The following KLHL1 variants were observed in gnomAD, a reference collection of about 807,000 sequenced individuals.
KLHL1 encodes the protein kelch-like protein 1.
In KLHL1, 47 loss-of-function variants were observed where a neutral mutation model predicts 77.7. That is an observed-to-expected ratio of 0.60 (90% CI 0.48 to 0.77). The LOEUF is 0.77. Among genes scored for constraint, KLHL1 ranks in the 30% least tolerant of loss-of-function variants. KLHL1 has a pLI of 0.00. For missense variants in KLHL1, 925 were observed against 910.8 expected, an observed-to-expected ratio of 1.02 and a Z score of -0.20; for synonymous variants, 360 against 325.2, an observed-to-expected ratio of 1.11 and a Z score of -1.15.
chr13:70,091,545 G>A (rs185456737), intron 1 of KLHL1, among the ~76,000 whole-genome samples: 71 of 152,194 alleles, frequency 4.7e-4, no homozygotes, highest in Admixed American at 7.9e-4. Context: ...ATTTTCAATT[G>A]TGAAGTTTGT....
chr13:70,009,272 A>G (rs1395408797), intron 1 of KLHL1, among the ~76,000 whole-genome samples: 1 of 152,128 alleles, frequency 6.6e-6, no homozygotes, highest in Non-Finnish European at 1.5e-5. Flanking sequence ...ATTTAACTCA[A>G]TTCAGACTCT....
At chr13:70,075,588 T>TATATATATATATATATATAC (rs1221350719) in intron 1 of KLHL1, among the ~76,000 whole-genome samples, 12 of 121,994 alleles carry the variant, frequency 9.8e-5, no homozygotes, top group African/African-American at 2.5e-4. Flanking sequence ...TATATATATA[T>TATATATATATATATATATAC]ACACACACAC....
At position 69,901,519 on chromosome 13, in the gene KLHL1, G is replaced by A. The variant is rs1881858353; in HGVS notation, c.1015-19024C>T. ...TGACTCTGGTCAGGGATAGACAGAT[G>A]ACATATTTTTGGCAAAAGAAAACAA... On this transcript the variant is annotated intron_variant, in intron 4 of 10. Coordinates refer to ENST00000377844, the MANE Select transcript of KLHL1 (RefSeq NM_020866.3). Among the ~76,000 whole-genome samples, 4 of 152,154 alleles carry A rather than the reference G, an allele frequency of 2.6e-5. No individual in the cohort carries two copies. The South Asian group carries it at 8.3e-4, about 31-fold the overall frequency.
rs1040575918 is a variant in KLHL1, at chr13:69,915,581, C to A, written c.1014+24459G>T. ...CTGGATCCCTTCCTTACACCTTATA[C>A]AAAAATTAATTCAAGATGGATTAAA... is the stretch of plus-strand genomic sequence containing the variant. On this transcript the variant is annotated intron_variant, in intron 4 of 10. Coordinates refer to ENST00000377844, the MANE Select transcript of KLHL1 (RefSeq NM_020866.3). Among the ~76,000 whole-genome samples the A allele has an allele frequency of 3.3e-5, 5 of 152,124 alleles. No homozygotes were observed. In the East Asian group the frequency reaches 7.7e-4, roughly 23 times the overall value.
At position 69,994,759 on chromosome 13, in the gene KLHL1, G is replaced by T. The variant is rs78948043; in HGVS notation, c.498-18957C>A. Among the ~76,000 whole-genome samples the T allele has an allele frequency of 3.6e-3, 550 of 152,116 alleles. 4 individuals are homozygous for T. Among genetic ancestry groups the T allele is most frequent in the African/African-American group, 0.013 (524 of 41,522 alleles). ...GGGTTAACGTAAGCCTCTATTAATC[G>T]GAGTTCTAGAATCTGTAATGCTAAT... On this transcript the variant is annotated intron_variant, in intron 1 of 10. Coordinates refer to ENST00000377844, the MANE Select transcript of KLHL1 (RefSeq NM_020866.3).
chr13:69,796,456 T>G (rs1300179123), intron 7 of KLHL1, among the ~76,000 whole-genome samples: 19 of 152,152 alleles, frequency 1.2e-4, no homozygotes, highest in Non-Finnish European at 2.8e-4. Flanking sequence ...TGACACCTGC[T>G]CCTGTCTCTC....
chr13:69,812,208 C>T (rs577306254), intron 6 of KLHL1, among the ~76,000 whole-genome samples: 17 of 152,184 alleles, frequency 1.1e-4, no homozygotes, highest in African/African-American at 3.1e-4. Context: ...TGCAATTGAG[C>T]GGTTCTGAGT....
At chr13:70,015,355 TA>T (rs1364791176) in intron 1 of KLHL1, among the ~76,000 whole-genome samples, 1 of 152,134 alleles carries the variant, frequency 6.6e-6, no homozygotes, top group East Asian at 1.9e-4. Context: ...TATCTAAACA[TA>T]AAAATGGTAA....
chr13:70,020,889 CTGCA>C (rs1397053078), intron 1 of KLHL1, among the ~76,000 whole-genome samples: 2 of 151,922 alleles, frequency 1.3e-5, no homozygotes, highest in Non-Finnish European at 2.9e-5. Context: ...TTTTAGAGCA[CTGCA>C]TGCAATACAA....
At chr13:69,982,268 T>C (rs1041535660) in intron 1 of KLHL1, among the ~76,000 whole-genome samples, 17 of 151,592 alleles carry the variant, frequency 1.1e-4, no homozygotes, top group Non-Finnish European at 2.4e-4. Flanking sequence ...ACCCTGTCTC[T>C]GCTAAAAATA....
intron 1 of KLHL1, among the ~76,000 whole-genome samples, chr13:70,043,144 A>G (rs925317650): frequency 1.3e-5 from 2 of 152,120 alleles, no homozygotes; most frequent in African/African-American, 4.8e-5. Flanking sequence ...ACCTCTGGTG[A>G]TCCACCTGCT....
At chr13:69,770,122 C>G (rs912949997) in intron 7 of KLHL1, among the ~76,000 whole-genome samples, 24 of 152,152 alleles carry the variant, frequency 1.6e-4, no homozygotes, top group South Asian at 4.1e-4. Flanking sequence ...TATAACACCC[C>G]CTTGGGACTC....
chr13:69,954,464 A>G (rs973855835), intron 3 of KLHL1, among the ~76,000 whole-genome samples: 1 of 151,308 alleles, frequency 6.6e-6, no homozygotes, highest in Non-Finnish European at 1.5e-5. Context: ...GAAAACAATT[A>G]TAAGACTGAG....
intron 3 of KLHL1, among the ~76,000 whole-genome samples, chr13:69,957,424 T>C (rs531463549): frequency 6.6e-6 from 1 of 151,836 alleles, no homozygotes; most frequent in South Asian, 2.1e-4. Flanking sequence ...GGATTTGACT[T>C]TCAATTTTTG....
intron 6 of KLHL1, among the ~76,000 whole-genome samples, chr13:69,803,546 T>G (rs925841609): frequency 2.6e-5 from 4 of 152,198 alleles, no homozygotes; most frequent in African/African-American, 9.7e-5. Context: ...GAAATATCAG[T>G]CCATGAACGG....
At chr13:69,759,873 A>G (rs765445464) in intron 7 of KLHL1, among the ~76,000 whole-genome samples, 17 of 152,324 alleles carry the variant, frequency 1.1e-4, no homozygotes, top group Non-Finnish European at 2.1e-4. Context: ...CAGGCAAAGC[A>G]CCTGAAACAA....
At chr13:70,064,853 G>C (rs1398134031) in intron 1 of KLHL1, among the ~76,000 whole-genome samples, 1 of 152,128 alleles carries the variant, frequency 6.6e-6, no homozygotes, top group African/African-American at 2.4e-5. Flanking sequence ...TAAGTCTACA[G>C]TCTGATAAAT....
chr13:69,970,452 T>C (rs927888614), intron 2 of KLHL1, among the ~76,000 whole-genome samples: 1 of 152,136 alleles, frequency 6.6e-6, no homozygotes, highest in African/African-American at 2.4e-5. Context: ...TCTTTGAATG[T>C]GTTCTTGCCT....
At chr13:69,772,085 G>A (rs1369434799) in intron 7 of KLHL1, among the ~76,000 whole-genome samples, 2 of 152,050 alleles carry the variant, frequency 1.3e-5, no homozygotes, top group African/African-American at 4.8e-5. Context: ...CCGAGTAGCT[G>A]GGATTACAGG....
Sources: gnomAD v4.1 joint callset for allele counts (sites outside exome capture counted in the v4.1 genomes callset) on GRCh38, gnomAD v4.1.1 for gene constraint, MANE v1.5 for transcripts, NCBI Gene and HGNC (gene_info 2026-07-23, HGNC 2026-07-21) for gene names.